Variants in CDC37L1 observed in about 807,000 individuals in gnomAD.
CDC37L1 encodes hsp90 co-chaperone Cdc37-like 1.
Under a neutral mutation model 45.9 loss-of-function variants are expected in CDC37L1, and 32 were observed. The ratio of observed to expected loss-of-function variants is 0.70; its 90% confidence interval spans 0.53 to 0.94. The LOEUF is 0.94. Ranked by LOEUF, CDC37L1 falls within the 40% of genes least tolerant of loss-of-function variation. The pLI, the probability that CDC37L1 is intolerant of heterozygous loss-of-function variation, is 0.00. For missense variants in CDC37L1, 434 were observed against 405.7 expected (o/e 1.07, Z -0.60); for synonymous variants, 150 against 133.0 (o/e 1.13, Z -0.88).
Position 4,679,895 on chromosome 9 carries a change from C to T in CDC37L1, c.128C>T (p.Ala43Val), listed in dbSNP as rs1161666290. 1.9e-6 allele frequency: 3 copies of T among 1,613,642 alleles called. No individual in the cohort carries two copies. The highest frequency in any genetic ancestry group is 1.3e-5 in the African/African-American group (1 of 74,940). Residue 43 changes from alanine (A) to valine (V), a missense_variant, in exon 1 of 7, where the codon GCC (alanine) becomes GTC (valine). Transcript: ENST00000381854. ...TGCCCGCAGCTGCCAGGCGGCGGCG[C>T]CCAGGTGAGAAGGGGCCTGCGTTCT... Reference protein sequence around the residue: ...PRCPQLPGGGAQMYSHGIELA... With the variant: ...PRCPQLPGGGVQMYSHGIELA...
rs535693894 is a variant in CDC37L1, at chr9:4,683,585, A to G, written c.133-1292A>G. 4.0e-4 allele frequency among the ~76,000 whole-genome samples: 61 copies of G among 152,310 alleles called. No homozygotes were observed. In the South Asian group the frequency reaches 0.012, roughly 30 times the overall value. ...AACTGAGTCTAAAGAGGTAATGGGA[A>G]ATAACATCACGAAGGGCTTTGCCAC... On this transcript the variant is annotated intron_variant, in intron 1 of 6. Coordinates refer to ENST00000381854, the MANE Select transcript of CDC37L1 (RefSeq NM_017913.4).
intron 2 of CDC37L1, among the ~76,000 whole-genome samples, chr9:4,686,651 A>G (rs1841250431): frequency 6.6e-6 from 1 of 152,228 alleles, no homozygotes. Context: ...TAAGGTTCTA[A>G]GACAGCCTAC....
rs886116751 is a variant in CDC37L1, at chr9:4,697,830, G to A, written c.698G>A (p.Cys233Tyr). ...TTTATTATGGAAATGGCCAAAAACT[G>A]TAATGTGGATCCAAGAGGGTGTTTT... ...MQFIMEMAKN[C>Y]NVDPRGCFRL... The change falls in exon 5 of 7, where the codon TGT (cysteine) becomes TAT (tyrosine). Residue 233 changes from cysteine to tyrosine, a missense_variant. Cys to Tyr is a radical substitution (Grantham distance 194). Transcript: ENST00000381854. 2.5e-6 allele frequency: 4 copies of A among 1,612,502 alleles called. No homozygotes were observed. In the African/African-American group the frequency reaches 5.3e-5, roughly 22 times the overall value.
In CDC37L1 at chr9:4,703,119, T is replaced by G. The variant is rs201456225; in HGVS notation, c.912+1091T>G. The G allele has an allele frequency of 5.2e-6, 8 of 1,535,272 alleles. No individual in the cohort carries two copies. In the East Asian group the frequency reaches 2.0e-4, roughly 38 times the overall value. On this transcript the variant is annotated intron_variant, in intron 6 of 6. Coordinates refer to ENST00000381854, the MANE Select transcript of CDC37L1 (RefSeq NM_017913.4). ...ATTTTAAGACCAGCTTTAGCCAGTT[T>G]AATCTGTTGTCTACATTGTGAGAAG...
In CDC37L1 at chr9:4,684,884, G is replaced by C; in HGVS notation, c.140G>C (p.Ser47Thr). ...QLPGGGAQMY[S>T]HGIELACQKQ... The stretch of plus-strand genomic sequence containing the variant: ...AATATTGTTTTTATCCAGATGTATA[G>C]CCATGGAATTGAATTGGCTTGCCAA... The change falls in exon 2 of 7, where the codon AGC becomes ACC. Residue 47 changes from serine to threonine, a missense_variant. Ser to Thr is a moderately conservative substitution (Grantham distance 58, BLOSUM62 1). Transcript: ENST00000381854. The C allele has an allele frequency of 1.2e-6, 2 of 1,609,382 alleles. No individual in the cohort carries two copies. Among genetic ancestry groups the C allele is most frequent in the African/African-American group, 1.3e-5 (1 of 74,910 alleles).
At chr9:4,684,400 T>C (rs1046346091) in intron 1 of CDC37L1, among the ~76,000 whole-genome samples, 5 of 152,124 alleles carry the variant, frequency 3.3e-5, no homozygotes, top group African/African-American at 1.2e-4. Flanking sequence ...TCACCAAGGA[T>C]TGGAAAAATA....
intron 2 of CDC37L1, among the ~76,000 whole-genome samples, chr9:4,686,058 C>G (rs981187851): frequency 3.3e-5 from 5 of 152,154 alleles, no homozygotes; most frequent in African/African-American, 9.7e-5. Context: ...TTAGTCCCAG[C>G]TACTTCGGAG....
At position 4,690,390 on chromosome 9, in the gene CDC37L1, T is replaced by TC. The variant is rs762018008; in HGVS notation, c.508+1785dup. ...AACCTGCTACTTGATGGCTGGCTGA[T>TC]CTCTGCAGTGCATTGTGCCGTATTG... On this transcript the variant is annotated intron_variant, in intron 3 of 6. Transcript: ENST00000381854. 8.3e-4 allele frequency among the ~76,000 whole-genome samples: 126 copies of TC among 152,240 alleles called. 1 individual carries two copies. In the Middle Eastern group the frequency reaches 0.037, roughly 45 times the overall value.
In CDC37L1 at chr9:4,682,329, A is replaced by ATTTTTTT. The variant is rs1313029477; in HGVS notation, c.132+2439_132+2445dup. On this transcript the variant is annotated intron_variant, in intron 1 of 6. Coordinates refer to ENST00000381854, the MANE Select transcript of CDC37L1 (RefSeq NM_017913.4). ...AGGTGCCCACCACTGTGCCCAGCTA[A>ATTTTTTT]TTTTTTTTTTTTTTTGAGATGGAGT... Among the ~76,000 whole-genome samples, 3 of 92,856 alleles carry ATTTTTTT rather than the reference A, an allele frequency of 3.2e-5. 1 individual carries two copies. The highest frequency in any genetic ancestry group is 5.8e-5 in the Non-Finnish European group (3 of 51,636). 60.9% of individuals were successfully genotyped at this position (92,856 alleles called of 152,430 possible). A position where few individuals can be genotyped will look rare whatever the true frequency, so the allele number is the denominator to read the frequency against.
intron 6 of CDC37L1, among the ~76,000 whole-genome samples, chr9:4,704,538 G>A (rs1261147041): frequency 6.6e-6 from 1 of 152,172 alleles, no homozygotes; most frequent in South Asian, 2.1e-4. Context: ...AGCCAATTCT[G>A]TTATTAAAAG....
Position 4,684,947 on chromosome 9 carries a change from A to G in CDC37L1, c.203A>G (p.Lys68Arg), listed in dbSNP as rs369979841. Residue 68 changes from lysine (K) to arginine (R), a missense_variant, in exon 2 of 7, where the codon AAA becomes AGA. By Grantham distance (26) the Lys-to-Arg change is conservative. Transcript: ENST00000381854. ...TTTGTGAAGAGCTCTGTGGCGTGCA[A>G]ATGGAATCTTGCTGAAGCTCAACAG... Reference protein sequence around the residue: ...KEFVKSSVACKWNLAEAQQKL... With the variant: ...KEFVKSSVACRWNLAEAQQKL... The G allele has an allele frequency of 6.2e-7, 1 of 1,613,696 alleles. No homozygotes were observed. The highest frequency in any genetic ancestry group is 8.5e-7 in the Non-Finnish European group (1 of 1,179,808).
intron 5 of CDC37L1, 25 bp from the exon 6 acceptor site, chr9:4,701,837 CTT>C (rs1563772829): frequency 1.4e-6 from 2 of 1,477,752 alleles, no homozygotes; most frequent in African/African-American, 2.3e-5. Context: ...AGAACACAGT[CTT>C]TGTTTTTTTT....
rs1263962481 is a variant in CDC37L1, at chr9:4,706,934, GAAT to G, written c.*829_*831del. On this transcript the variant is annotated 3_prime_UTR_variant, in exon 7 of 7. Transcript: ENST00000381854. The stretch of plus-strand genomic sequence containing the variant: ...ACTAATGGCTTGTAAGAACAAACAG[GAAT>G]AATAATCTGATTTTTAAATTTGTAG... The G allele has an allele frequency of 2.0e-5, 3 of 152,154 alleles. No individual in the cohort carries two copies. The highest frequency in any genetic ancestry group is 2.9e-5 in the Non-Finnish European group (2 of 68,016). 9.4% of individuals were successfully genotyped at this position (152,154 alleles called of 1,614,324 possible).
intron 3 of CDC37L1, 43 bp downstream of exon 3, chr9:4,688,649 T>C: frequency 8.0e-7 from 1 of 1,257,654 alleles, no homozygotes; most frequent in South Asian, 1.5e-5. Context: ...ATGTTTGGTA[T>C]CATATGTACA....
At chr9:4,695,855 A>G (rs975457939) in intron 3 of CDC37L1, among the ~76,000 whole-genome samples, 4 of 152,018 alleles carry the variant, frequency 2.6e-5, no homozygotes, top group East Asian at 1.9e-4. Flanking sequence ...CTGTGGTGCA[A>G]TCTCGGCTCG....
intron 5 of CDC37L1, among the ~76,000 whole-genome samples, chr9:4,700,374 C>A (rs1220586407): frequency 2.6e-5 from 4 of 152,204 alleles, no homozygotes; most frequent in South Asian, 2.1e-4. Flanking sequence ...TCTCGAACTT[C>A]TGGGCTCAAG....
chr9:4,679,788 T>C lies in CDC37L1; in HGVS notation c.21T>C (p.Pro7=). 1 of 1,613,264 alleles carries C rather than the reference T, an allele frequency of 6.2e-7. No homozygotes were observed. Among genetic ancestry groups the C allele is most frequent in the Non-Finnish European group, 8.5e-7 (1 of 1,179,610 alleles). Reference sequence around the variant, plus strand: ...CGGACATGGAACAACCGTGGCCGCCTCCGGGACCCTGGAGCCTCCCTCGGG... The same window carrying C: ...CGGACATGGAACAACCGTGGCCGCCCCCGGGACCCTGGAGCCTCCCTCGGG... MEQPWP[P]PGPWSLPRAE... is the part of the protein sequence containing the mutation. Residue 7 remains proline (P), a synonymous_variant, in exon 1 of 7, where the codon CCT becomes CCC. Coordinates refer to ENST00000381854, the MANE Select transcript of CDC37L1 (RefSeq NM_017913.4).
At position 4,701,408 on chromosome 9, in the gene CDC37L1, A is replaced by T. The variant is rs947522534; in HGVS notation, c.748-456A>T. On this transcript the variant is annotated intron_variant, in intron 5 of 6. Transcript: ENST00000381854. ...TTTTAAGTAGGGAATATACAGTTAG[A>T]AAATTACTAGGAACAGGTAATAGTG... 3.3e-5 allele frequency among the ~76,000 whole-genome samples: 5 copies of T among 152,352 alleles called. No individual in the cohort carries two copies. The East Asian group carries it at 9.6e-4, about 29-fold the overall frequency.
intron 6 of CDC37L1, chr9:4,703,233 T>C: frequency 1.2e-6 from 1 of 826,876 alleles, no homozygotes; most frequent in Non-Finnish European, 1.7e-6. Context: ...TTTCAGTGGC[T>C]TGACCTTATC....
Sources: allele counts gnomAD v4.1 joint callset (sites outside exome capture counted in the v4.1 genomes callset), GRCh38; gene constraint gnomAD v4.1.1; transcripts MANE v1.5; gene names NCBI Gene and HGNC (gene_info 2026-07-23, HGNC 2026-07-21).